ZNF540: variants seen among roughly 807,000 people sequenced by gnomAD.
ZNF540 encodes zinc finger protein 540, also known as CTD-3064H18.6.
In ZNF540, 3 loss-of-function variants were observed where a neutral mutation model predicts 11.8. That is an observed-to-expected ratio of 0.25 (90% CI 0.12 to 0.65). The LOEUF (loss-of-function observed/expected upper bound fraction) is 0.65. ZNF540 is among the 30% of genes least tolerant of loss of function. The probability of loss-of-function intolerance (pLI) is 0.83; values close to 1 mark genes in which losing one functional copy is unlikely to be tolerated. For synonymous variants in ZNF540, 247 were observed against 259.0 expected (o/e 0.95, Z 0.45); for missense variants, 709 against 793.1 (o/e 0.89, Z 1.27).
intron 1 of ZNF540, among the ~76,000 whole-genome samples, chr19:37,574,355 C>T (rs2043172341): frequency 6.6e-6 from 1 of 152,078 alleles, no homozygotes; most frequent in Non-Finnish European, 1.5e-5. Flanking sequence ...AACTTTAACT[C>T]AAATCAACAA....
chr19:37,566,451 G>A, intron 1 of ZNF540: 2 of 776,456 alleles, frequency 2.6e-6, no homozygotes, highest in Non-Finnish European at 3.9e-6. Context: ...CACAAGGAGA[G>A]AATAAAGAAA....
intron 3 of ZNF540, among the ~76,000 whole-genome samples, chr19:37,600,004 TG>T (rs975143841): frequency 1.3e-5 from 2 of 152,232 alleles, no homozygotes; most frequent in African/African-American, 4.8e-5. Flanking sequence ...GTTAAGAGAC[TG>T]GATTTGAATT....
chr19:37,557,241 G>A (rs2042669370), intron 1 of ZNF540, among the ~76,000 whole-genome samples: 1 of 152,150 alleles, frequency 6.6e-6, no homozygotes, highest in Admixed American at 6.5e-5. Context: ...GCTGGGTTTA[G>A]GACCTTGTTT....
chr19:37,602,451 T>G (rs987131594), intron 4 of ZNF540, among the ~76,000 whole-genome samples: 1 of 152,258 alleles, frequency 6.6e-6, no homozygotes, highest in South Asian at 2.1e-4. Context: ...TATTGAAACG[T>G]AGCCATACTT....
rs1366852293 is a variant in ZNF540, at chr19:37,569,291, A to T, written c.-73+17626A>T. 6.6e-6 allele frequency among the ~76,000 whole-genome samples: 1 copy of T among 152,088 alleles called. No homozygotes were observed. Among genetic ancestry groups the T allele is most frequent in the Non-Finnish European group, 1.5e-5 (1 of 68,016 alleles). On this transcript the variant is annotated intron_variant, in intron 1 of 4. Coordinates refer to the ZNF540 transcript ENST00000592533. This position sits in a 1 kb window ranked among gnomAD's most constrained non-coding sequence, Gnocchi z 4.4. The stretch of plus-strand genomic sequence containing the variant: ...AACCACAACAAAAACCTACTCAGTA[A>T]TGTTATGAGACCCTTTGTTCTAATC...
intron 1 of ZNF540, 33 bp from the exon 2 acceptor site, chr19:37,598,343 C>G: frequency 8.9e-7 from 1 of 1,119,918 alleles, no homozygotes; most frequent in Non-Finnish European, 1.3e-6. Flanking sequence ...CAGACCTAGT[C>G]TCACTGTCTC....
Position 37,566,220 on chromosome 19 carries a change from A to G in ZNF540, c.-73+14555A>G, listed in dbSNP as rs774505269. 3.7e-6 allele frequency: 6 copies of G among 1,613,644 alleles called. No individual in the cohort carries two copies. The East Asian group carries it at 1.3e-4, about 36-fold the overall frequency. On this transcript the variant is annotated intron_variant, in intron 1 of 4. Coordinates refer to the ZNF540 transcript ENST00000592533. ...TTGATACGTTTCCCCATATTCTCCC[A>G]CTGGAGTGATTCCATTTCATAAATT...
intron 1 of ZNF540, among the ~76,000 whole-genome samples, chr19:37,597,878 C>A (rs1197176074): frequency 2.0e-5 from 3 of 152,244 alleles, no homozygotes; most frequent in African/African-American, 7.2e-5. Context: ...TGTTCCATTC[C>A]AGCTTTATTT....
chr19:37,570,312 G>A (rs1298835943), intron 1 of ZNF540, among the ~76,000 whole-genome samples: 3 of 151,922 alleles, frequency 2.0e-5, no homozygotes, highest in South Asian at 2.1e-4. Flanking sequence ...CCTCTGCCCC[G>A]CCTGTGATTA....
intron 1 of ZNF540, chr19:37,567,816 T>A (rs188112999): frequency 6.6e-6 from 1 of 152,322 alleles, no homozygotes; most frequent in East Asian, 1.9e-4. Flanking sequence ...AAAATTTCAT[T>A]TATTTATCTG....
intron 1 of ZNF540, chr19:37,565,606 A>G (rs1174586779): frequency 1.2e-6 from 2 of 1,613,242 alleles, no homozygotes; most frequent in Non-Finnish European, 1.7e-6. Context: ...GTTTTTCACC[A>G]CTATGAATTC....
chr19:37,609,614 G>A (rs1027722212), intron 4 of ZNF540, among the ~76,000 whole-genome samples: 1 of 151,550 alleles, frequency 6.6e-6, no homozygotes, highest in Non-Finnish European at 1.5e-5. Context: ...TTGGGAGGCC[G>A]AGACAAGTGG....
chr19:37,567,768 A>G (rs772526888), intron 1 of ZNF540: 5 of 152,098 alleles, frequency 3.3e-5, no homozygotes, highest in Non-Finnish European at 7.4e-5. Context: ...CTATACCTGT[A>G]ATTTATTCCT....
chr19:37,565,159 T>C, intron 1 of ZNF540: 1 of 1,613,502 alleles, frequency 6.2e-7, no homozygotes, highest in Non-Finnish European at 8.5e-7. Context: ...CCTTTCCACA[T>C]TCCTTACATT....
rs1191702581 is a variant in ZNF540 at position 37,555,846 on chromosome 19, T to C, written c.-73+4181T>C. ...TCATGGACAGTTATAGTAAGAGGATTACAATTTTTTCTAGTACATAATTTA... is the reference window on the plus strand; with the variant it reads ...TCATGGACAGTTATAGTAAGAGGATCACAATTTTTTCTAGTACATAATTTA... On this transcript the variant is annotated intron_variant, in intron 1 of 4. Coordinates refer to the ZNF540 transcript ENST00000592533. 4.3e-6 allele frequency: 3 copies of C among 697,884 alleles called. No homozygotes were observed. In the African/African-American group the frequency reaches 5.3e-5, roughly 12 times the overall value. The allele number at this position is 697,884 out of a possible 1,614,324, so 43.2% of individuals were successfully genotyped here. A position where few individuals can be genotyped will look rare whatever the true frequency, so the allele number is the denominator to read the frequency against.
At chr19:37,582,390 C>T (rs1360831448) in intron 1 of ZNF540, among the ~76,000 whole-genome samples, 1 of 152,200 alleles carries the variant, frequency 6.6e-6, no homozygotes, top group Non-Finnish European at 1.5e-5. Flanking sequence ...ACTGCATTCC[C>T]TCTTCCTAGG....
At position 37,601,041 on chromosome 19, in the gene ZNF540, C is replaced by G. The variant is rs139093102; in HGVS notation, c.168C>G (p.Thr56=). 6.9e-5 allele frequency: 110 copies of G among 1,590,952 alleles called. No individual in the cohort carries two copies. The African/African-American group carries it at 1.1e-3, about 16-fold the overall frequency. The change falls in exon 4 of 5, where the codon ACC becomes ACG. Residue 56 remains threonine (T), a synonymous_variant. Transcript: ENST00000316433. ...GYSGSKPDVI[T]LLEQGKEPCV... is the part of the protein sequence containing the mutation. ...CTGGCTCAAAGCCAGATGTGATTAC[C>G]TTACTGGAGCAAGGGAAAGAGCCCT...
At chr19:37,557,316 G>A (rs1305130327) in intron 1 of ZNF540, among the ~76,000 whole-genome samples, 1 of 152,188 alleles carries the variant, frequency 6.6e-6, no homozygotes, top group Non-Finnish European at 1.5e-5. Flanking sequence ...TTGAAGACGG[G>A]GGATTCTTGT....
chr19:37,609,140 C>G (rs930972541), intron 4 of ZNF540, among the ~76,000 whole-genome samples: 1 of 152,204 alleles, frequency 6.6e-6, no homozygotes, highest in Non-Finnish European at 1.5e-5. Context: ...ATGGCACATA[C>G]CTGTTACAAT....
Sources: allele counts gnomAD v4.1 joint callset (sites outside exome capture counted in the v4.1 genomes callset), GRCh38; gene constraint gnomAD v4.1.1; non-coding constraint Gnocchi (gnomAD v3.1); transcripts MANE v1.5; gene names NCBI Gene and HGNC (gene_info 2026-07-23, HGNC 2026-07-21).